GTF2I: variants seen among roughly 807,000 people sequenced by gnomAD.
GTF2I encodes general transcription factor II-I.
Under a neutral mutation model 67.6 loss-of-function variants are expected in GTF2I, and 12 were observed. That is an observed-to-expected ratio of 0.18 (90% CI 0.11 to 0.29). GTF2I has a LOEUF of 0.29. Ranked by LOEUF, GTF2I falls within the 10% of genes least tolerant of loss-of-function variation. The pLI is 1.00. For missense variants in GTF2I, 271 were observed against 580.1 expected (o/e 0.47, Z 5.47); for synonymous variants, 149 against 197.0 (o/e 0.76, Z 2.04).
At chr7:74,673,572 G>A (rs1205773564) in intron 1 of GTF2I, among the ~76,000 whole-genome samples, 1 of 151,678 alleles carries the variant, frequency 6.6e-6, no homozygotes, top group Non-Finnish European at 1.5e-5. Flanking sequence ...GTAGAGACAA[G>A]GTTTCTCTGT....
intron 1 of GTF2I, among the ~76,000 whole-genome samples, chr7:74,673,489 C>T (rs923004501): frequency 3.3e-5 from 5 of 152,046 alleles, no homozygotes; most frequent in Non-Finnish European, 7.4e-5. Context: ...TCAAGCAATT[C>T]TCCTGTCTCA....
intron 1 of GTF2I, among the ~76,000 whole-genome samples, chr7:74,687,201 T>G (rs1787814396): frequency 1.3e-5 from 2 of 151,870 alleles, no homozygotes; most frequent in African/African-American, 2.4e-5. Flanking sequence ...AAGTGTCAAT[T>G]ATTTTTTATT....
chr7:74,670,698 A>C lies in GTF2I; in HGVS notation c.-6+12630A>C, dbSNP rs1449663860. 4.6e-5 allele frequency among the ~76,000 whole-genome samples: 7 copies of C among 151,424 alleles called. 1 individual carries two copies. Among genetic ancestry groups the C allele is most frequent in the Non-Finnish European group, 8.8e-5 (6 of 67,846 alleles). ...GAGTCAGACTCTTTCTCAAAAAAAA[A>C]CAAAAAAAAAACAAAAAAAAAAAAC... is the stretch of plus-strand genomic sequence containing the variant. On this transcript the variant is annotated intron_variant, in intron 1 of 34. Coordinates refer to ENST00000573035, the MANE Select transcript of GTF2I (RefSeq NM_032999.4).
chr7:74,714,813 T>A, intron 9 of GTF2I, 44 bp from the exon 10 acceptor site: 1 of 1,375,726 alleles, frequency 7.3e-7, no homozygotes, highest in Admixed American at 1.9e-5. Flanking sequence ...CACATTTTTT[T>A]TTGGGGGGGA....
rs587605032 is a variant in GTF2I at position 74,669,102 on chromosome 7, C to T, written c.-6+11034C>T. 6.6e-5 allele frequency among the ~76,000 whole-genome samples: 10 copies of T among 151,972 alleles called. 1 individual carries two copies. The South Asian group carries it at 1.7e-3, about 25-fold the overall frequency. ...CATTTATTCAACATACTGATGGGCT[C>T]ATCCTATGAGGCCTCAGAACACAGC... On this transcript the variant is annotated intron_variant, in intron 1 of 34. Coordinates refer to ENST00000573035, the MANE Select transcript of GTF2I (RefSeq NM_032999.4).
chr7:74,660,835 A>G (rs1804423244), intron 1 of GTF2I, among the ~76,000 whole-genome samples: 1 of 151,594 alleles, frequency 6.6e-6, no homozygotes, highest in Admixed American at 6.6e-5. Flanking sequence ...CTGGGTGTTG[A>G]GCTCGTAGGG....
At position 74,690,214 on chromosome 7, in the gene GTF2I, T is replaced by TA. The variant is rs112071757; in HGVS notation, c.100-748dup. On this transcript the variant is annotated intron_variant, in intron 2 of 34. Transcript: ENST00000573035. ...TGGGCGACAGAGTGGAACTCTGTCT[T>TA]AAAAAAAAAAAGAAAAAGATGCCCA... Among the ~76,000 whole-genome samples, 932 of 145,786 alleles carry TA rather than the reference T, an allele frequency of 6.4e-3. 4 individuals carry two copies. Among genetic ancestry groups the TA allele is most frequent in the Middle Eastern group, 0.011 (3 of 284 alleles).
In GTF2I at chr7:74,689,437, C is replaced by G. The variant is rs1206541892; in HGVS notation, c.99+210C>G. Reference sequence around the variant, plus strand: ...TGGCGAGATCTTGGCTCACTGCAACCTTTACCTCCCGGGTTCAAGCGATTC... The same window carrying G: ...TGGCGAGATCTTGGCTCACTGCAACGTTTACCTCCCGGGTTCAAGCGATTC... On this transcript the variant is annotated intron_variant, in intron 2 of 34. Transcript: ENST00000573035. Among the ~76,000 whole-genome samples, 4 of 149,018 alleles carry G rather than the reference C, an allele frequency of 2.7e-5. No homozygotes were observed. In the East Asian group the frequency reaches 7.8e-4, roughly 29 times the overall value.
intron 12 of GTF2I, chr7:74,722,667 ACT>A (rs1554404853): frequency 6.6e-6 from 1 of 152,010 alleles, no homozygotes; most frequent in Admixed American, 6.6e-5. Flanking sequence ...CCTAAGTCAA[ACT>A]CTGGCTTTTT....
At chr7:74,661,827 AAG>A (rs1804525680) in intron 1 of GTF2I, among the ~76,000 whole-genome samples, 2 of 152,202 alleles carry the variant, frequency 1.3e-5, no homozygotes, top group Admixed American at 6.6e-5. Flanking sequence ...CCAGTTTAAA[AAG>A]GGGCCATGGA....
At chr7:74,725,167 G>A (rs1244973185) in intron 12 of GTF2I, among the ~76,000 whole-genome samples, 2 of 152,080 alleles carry the variant, frequency 1.3e-5, no homozygotes, top group African/African-American at 2.4e-5. Flanking sequence ...TTGATCCTTT[G>A]TGGAAAGGAT....
At chr7:74,714,650 A>T (rs1434922913) in intron 9 of GTF2I, among the ~76,000 whole-genome samples, 2 of 152,056 alleles carry the variant, frequency 1.3e-5, no homozygotes, top group Non-Finnish European at 2.9e-5. Context: ...GACTGTTTAC[A>T]TATGAATTCA....
chr7:74,719,877 G>A (rs770363497), intron 12 of GTF2I, among the ~76,000 whole-genome samples: 26 of 152,040 alleles, frequency 1.7e-4, no homozygotes, highest in Non-Finnish European at 3.1e-4. Context: ...CTGAGTTCAC[G>A]CCATTGCACT....
At chr7:74,718,650 G>A (rs1411915358) in intron 11 of GTF2I, among the ~76,000 whole-genome samples, 4 of 152,092 alleles carry the variant, frequency 2.6e-5, no homozygotes, top group African/African-American at 9.7e-5. Flanking sequence ...ATTTCTGCAG[G>A]TAACATGTTA....
At chr7:74,703,217 C>T (rs1790076840) in intron 6 of GTF2I, among the ~76,000 whole-genome samples, 1 of 151,852 alleles carries the variant, frequency 6.6e-6, no homozygotes, top group Admixed American at 6.6e-5. Flanking sequence ...AATGGTGTCA[C>T]TCTGTTATCC....
chr7:74,753,343 T>C (rs1795943309), intron 29 of GTF2I, among the ~76,000 whole-genome samples, 166 bp downstream of exon 29: 2 of 152,166 alleles, frequency 1.3e-5, no homozygotes, highest in Admixed American at 1.3e-4. Context: ...ACCATTAGTG[T>C]TACACTATTG....
chr7:74,710,747 A>T (rs1170917028), intron 8 of GTF2I, among the ~76,000 whole-genome samples: 2 of 152,188 alleles, frequency 1.3e-5, no homozygotes, highest in Non-Finnish European at 2.9e-5. Flanking sequence ...GTGAAAAGGG[A>T]GTGTGGTAAA....
Position 74,680,139 on chromosome 7 carries a change from CAT to C in GTF2I, c.-5-8976_-5-8975del, listed in dbSNP as rs1298932424. Among the ~76,000 whole-genome samples the C allele has an allele frequency of 9.0e-3, 1,112 of 123,664 alleles. 3 individuals carry two copies. Among genetic ancestry groups the C allele is most frequent in the South Asian group, 0.027 (108 of 3,968 alleles). 81.1% of individuals were successfully genotyped at this position (123,664 alleles called of 152,430 possible). On this transcript the variant is annotated intron_variant, in intron 1 of 34. Coordinates refer to ENST00000573035, the MANE Select transcript of GTF2I (RefSeq NM_032999.4). ...ATATGTATGTATGTATGTATATACA[CAT>C]ATATATATGTATGTATATACACACA...
At chr7:74,711,220 G>C (rs1554402473) in intron 9 of GTF2I, 111 bp downstream of exon 9, 5 of 551,486 alleles carry the variant, frequency 9.1e-6, no homozygotes. Context: ...ATCAGTTCTT[G>C]ATTGACATAT....
Sources: gnomAD v4.1 joint callset for allele counts (sites outside exome capture counted in the v4.1 genomes callset) on GRCh38, gnomAD v4.1.1 for gene constraint, MANE v1.5 for transcripts, NCBI Gene and HGNC (gene_info 2026-07-23, HGNC 2026-07-21) for gene names.